NHS: variants seen among roughly 807,000 people sequenced by gnomAD.
NHS encodes actin remodeling regulator NHS.
A neutral mutation model predicts 72.5 loss-of-function variants in NHS; 5 were observed. The ratio of observed to expected loss-of-function variants is 0.07; its 90% CI spans 0.04 to 0.14. NHS has a LOEUF of 0.14. Ranked by LOEUF, NHS falls within the 10% of genes least tolerant of loss-of-function variation. The probability of loss-of-function intolerance (pLI) is 1.00; values close to 1 mark genes in which losing one functional copy is unlikely to be tolerated. For missense variants in NHS, 1,072 were observed against 1,355.7 expected, an observed-to-expected ratio of 0.79 and a Z score of 3.29; for synonymous variants, 464 against 547.7, an observed-to-expected ratio of 0.85 and a Z score of 2.13.
intron 1 of NHS, among the ~76,000 whole-genome samples, chrX:17,471,479 A>G (rs1186461349): frequency 8.9e-6 from 1 of 112,628 alleles, no homozygotes; most frequent in Admixed American, 9.4e-5. Context: ...AAATTATCCA[A>G]TTATCATTTC....
chrX:17,600,063 A>G (rs1188998266), intron 1 of NHS, among the ~76,000 whole-genome samples: 1 of 111,870 alleles, frequency 8.9e-6, no homozygotes, highest in African/African-American at 3.3e-5. Flanking sequence ...TCTAGGGGGC[A>G]TATCATTTTC....
intron 1 of NHS, among the ~76,000 whole-genome samples, chrX:17,658,333 A>AT (rs1245046437): frequency 1.8e-5 from 2 of 112,023 alleles, no homozygotes; most frequent in African/African-American, 6.5e-5. Flanking sequence ...GTAAATGCCT[A>AT]TTTTTTTCTC....
chrX:17,711,369 G>A (rs2066328362), intron 3 of NHS, among the ~76,000 whole-genome samples: 2 of 111,795 alleles, frequency 1.8e-5, no homozygotes, highest in Non-Finnish European at 3.8e-5. Flanking sequence ...CTCCATCCTG[G>A]GCTCCCTATA....
intron 1 of NHS, chrX:17,635,269 G>T (rs991387744): frequency 1.9e-6 from 2 of 1,032,582 alleles, no homozygotes; most frequent in Non-Finnish European, 2.5e-6. Context: ...TGGAGACAGG[G>T]TGTGTCCAGG....
intron 3 of NHS, among the ~76,000 whole-genome samples, chrX:17,714,880 C>A (rs1387891895): frequency 8.9e-6 from 1 of 112,063 alleles, no homozygotes; most frequent in Non-Finnish European, 1.9e-5. Flanking sequence ...AGTTGTATTT[C>A]TTAGATAATT....
chrX:17,627,069 C>T (rs1263674381), intron 1 of NHS, among the ~76,000 whole-genome samples: 1 of 112,157 alleles, frequency 8.9e-6, no homozygotes, highest in Non-Finnish European at 1.9e-5. Flanking sequence ...CTAATATTTC[C>T]CCTTCCCCAA....
intron 1 of NHS, among the ~76,000 whole-genome samples, chrX:17,490,918 T>A (rs2146916791): frequency 8.9e-6 from 1 of 111,885 alleles, no homozygotes; most frequent in Non-Finnish European, 1.9e-5. Flanking sequence ...ATGATTTGGC[T>A]CTCAGTTTGT....
At position 17,636,951 on chromosome X, in the gene NHS, A is replaced by G. The variant is rs1300957952; in HGVS notation, c.566-50791A>G. Among the ~76,000 whole-genome samples, 7 of 112,112 alleles carry G rather than the reference A, an allele frequency of 6.2e-5. No individual in the cohort carries two copies. In the East Asian group the frequency reaches 1.7e-3, roughly 27 times the overall value. On this transcript the variant is annotated intron_variant, in intron 1 of 8. Transcript: ENST00000676302. ...ATTTATGATAAATAACCATTATTTGATGGGCAGGCCAATTATAACAATTAA... is the reference window on the plus strand; with the variant it reads ...ATTTATGATAAATAACCATTATTTGGTGGGCAGGCCAATTATAACAATTAA...
At chrX:17,538,787 G>C (rs1435949936) in intron 1 of NHS, among the ~76,000 whole-genome samples, 2 of 112,116 alleles carry the variant, frequency 1.8e-5, no homozygotes, top group Non-Finnish European at 3.8e-5. Flanking sequence ...ATGTTGCACA[G>C]ACAGATCAAA....
At chrX:17,460,879 CAGTT>C (rs2064844438) in intron 1 of NHS, among the ~76,000 whole-genome samples, 1 of 111,980 alleles carries the variant, frequency 8.9e-6, no homozygotes, top group African/African-American at 3.2e-5. Flanking sequence ...AACTGAGGCA[CAGTT>C]AGGAAGTTGA....
chrX:17,677,978 TTTGTTGTTGTTG>T (rs748502100), intron 1 of NHS, among the ~76,000 whole-genome samples: 1 of 109,804 alleles, frequency 9.1e-6, no homozygotes. Context: ...TTTTTGAGGT[TTTGTTGTTGTTG>T]TTGTTGTTGT....
rs149682083 is a variant in NHS at position 17,566,459 on chromosome X, G to A, written c.566-121283G>A. On this transcript the variant is annotated intron_variant, in intron 1 of 8. Coordinates refer to ENST00000676302, the MANE Select transcript of NHS (RefSeq NM_001291867.2). ...CCAGCTCCCACTGGACTTTACCTAC[G>A]TGAGAAGAGAAATTCTGTCTGTCTC... is the stretch of plus-strand genomic sequence containing the variant. Among the ~76,000 whole-genome samples, 1,091 of 111,839 alleles carry A rather than the reference G, an allele frequency of 9.8e-3. 35 individuals are homozygous for A. The highest frequency in any genetic ancestry group is 0.068 in the South Asian group (182 of 2,671).
chrX:17,656,001 G>T (rs1473724576), intron 1 of NHS, among the ~76,000 whole-genome samples: 1 of 113,203 alleles, frequency 8.8e-6, no homozygotes, highest in African/African-American at 3.2e-5. Flanking sequence ...AAAGGAAAAG[G>T]AAGGGGGAAT....
intron 1 of NHS, among the ~76,000 whole-genome samples, chrX:17,465,187 C>G (rs1183239303): frequency 4.5e-5 from 5 of 111,412 alleles, no homozygotes; most frequent in South Asian, 3.8e-4. Flanking sequence ...TTGTAGGTGT[C>G]TGGGGTGCTG....
At chrX:17,559,480 A>G (rs1226293082) in intron 1 of NHS, among the ~76,000 whole-genome samples, 1 of 112,155 alleles carries the variant, frequency 8.9e-6, no homozygotes, top group African/African-American at 3.2e-5. Flanking sequence ...CCCATTGAAG[A>G]AAAAAAGTAG....
chrX:17,479,179 T>G (rs768087849), intron 1 of NHS, among the ~76,000 whole-genome samples: 1 of 112,148 alleles, frequency 8.9e-6, no homozygotes, highest in Non-Finnish European at 1.9e-5. Flanking sequence ...CCTGTGTTAG[T>G]TTGCTGAGAT....
intron 1 of NHS, among the ~76,000 whole-genome samples, chrX:17,674,301 C>T (rs193116880): frequency 8.9e-5 from 10 of 111,887 alleles, no homozygotes; most frequent in Admixed American, 1.9e-4. Flanking sequence ...TCAAACCAAC[C>T]GGAGAAGAGA....
At chrX:17,625,704 G>T (rs1412242200) in intron 1 of NHS, among the ~76,000 whole-genome samples, 1 of 111,962 alleles carries the variant, frequency 8.9e-6, no homozygotes, top group Admixed American at 9.5e-5. Context: ...AAATGCAAGA[G>T]AAATTGGTGA....
At chrX:17,467,935 G>A (rs1430022470) in intron 1 of NHS, among the ~76,000 whole-genome samples, 1 of 111,976 alleles carries the variant, frequency 8.9e-6, no homozygotes, top group Non-Finnish European at 1.9e-5. Flanking sequence ...CCCTCTCCAT[G>A]AGAAAGAACA....
Sources: allele counts gnomAD v4.1 joint callset (sites outside exome capture counted in the v4.1 genomes callset), GRCh38; gene constraint gnomAD v4.1.1; transcripts MANE v1.5; gene names NCBI Gene and HGNC (gene_info 2026-07-23, HGNC 2026-07-21).